The following FMN1 variants were observed in gnomAD, a reference collection of about 807,000 sequenced individuals.
FMN1 encodes formin-1.
In FMN1, 110 loss-of-function variants were observed where a neutral mutation model predicts 132.4. That is an observed-to-expected ratio of 0.83 (90% CI 0.71 to 0.97). The LOEUF is 0.97. Among genes scored for constraint, FMN1 ranks in the 50% least tolerant of loss-of-function variants. The probability of loss-of-function intolerance (pLI) is 0.00; values close to 1 mark genes in which losing one functional copy is unlikely to be tolerated. For synonymous variants in FMN1, 722 were observed against 651.7 expected (o/e 1.11, Z -1.64); for missense variants, 1,792 against 1,705.3 (o/e 1.05, Z -0.90).
chr15:33,018,070 A>G (rs1482909136), intron 6 of FMN1, among the ~76,000 whole-genome samples: 254 of 6,470 alleles, frequency 0.039, no homozygotes, highest in Non-Finnish European at 0.18. Flanking sequence ...CTCTCAAGAA[A>G]AAAAAAAAAA....
At chr15:32,926,745 C>A (rs996574014) in intron 9 of FMN1, among the ~76,000 whole-genome samples, 1 of 152,244 alleles carries the variant, frequency 6.6e-6, no homozygotes, top group Admixed American at 6.5e-5. Flanking sequence ...GTGATAACCT[C>A]TATGAATTGA....
intron 7 of FMN1, among the ~76,000 whole-genome samples, chr15:32,970,530 CTGTCAT>C (rs1470524391): frequency 6.6e-6 from 1 of 152,184 alleles, no homozygotes; most frequent in South Asian, 2.1e-4. Flanking sequence ...GTTATATTCA[CTGTCAT>C]TGTCACTGTC....
intron 6 of FMN1, chr15:33,064,736 C>T: frequency 2.8e-6 from 1 of 360,884 alleles, no homozygotes; most frequent in Non-Finnish European, 5.0e-6. Flanking sequence ...ACACACATTC[C>T]CCCTTTCATT....
At chr15:32,842,714 G>C (rs977439171) in intron 17 of FMN1, among the ~76,000 whole-genome samples, 1 of 151,602 alleles carries the variant, frequency 6.6e-6, no homozygotes, top group South Asian at 2.1e-4. Context: ...ACATTTTTTA[G>C]CAAGTTTGAT....
rs1320940723 is a variant in FMN1, at chr15:32,767,032, G to A, written c.*7278C>T. On this transcript the variant is annotated 3_prime_UTR_variant, in exon 21 of 21. Coordinates refer to ENST00000616417, the MANE Select transcript of FMN1 (RefSeq NM_001277313.2). ...TTTCACTGGGGTACCTGCTTTCCCAGTACATTGGCACTGATCAATACAAGA... is the reference window on the plus strand; with the variant it reads ...TTTCACTGGGGTACCTGCTTTCCCAATACATTGGCACTGATCAATACAAGA... 6.6e-6 allele frequency: 1 copy of A among 152,138 alleles called. No individual in the cohort carries two copies. The highest frequency in any genetic ancestry group is 1.5e-5 in the Non-Finnish European group (1 of 68,054). 9.4% of individuals were successfully genotyped at this position (152,138 alleles called of 1,614,324 possible).
chr15:32,978,084 T>C (rs2032358202), intron 7 of FMN1, among the ~76,000 whole-genome samples: 1 of 152,074 alleles, frequency 6.6e-6, no homozygotes, highest in Non-Finnish European at 1.5e-5. Context: ...CTCAATCTCT[T>C]GACCTCGTGA....
At chr15:32,794,716 A>G (rs1045640363) in intron 19 of FMN1, among the ~76,000 whole-genome samples, 1 of 152,236 alleles carries the variant, frequency 6.6e-6, no homozygotes, top group African/African-American at 2.4e-5. Flanking sequence ...CCAAAAATTC[A>G]TTGAATGTTT....
At chr15:32,861,654 G>C (rs541917100) in intron 16 of FMN1, among the ~76,000 whole-genome samples, 1 of 152,320 alleles carries the variant, frequency 6.6e-6, no homozygotes, top group South Asian at 2.1e-4. Context: ...GTCAAGGTCA[G>C]AACAGCAAGA....
At chr15:33,041,238 C>T (rs543506144) in intron 6 of FMN1, among the ~76,000 whole-genome samples, 1 of 151,812 alleles carries the variant, frequency 6.6e-6, no homozygotes, top group Non-Finnish European at 1.5e-5. Context: ...ACTTTGAAGC[C>T]TAGGTCTATG....
At chr15:32,838,910 C>T (rs934970271) in intron 17 of FMN1, among the ~76,000 whole-genome samples, 8 of 152,252 alleles carry the variant, frequency 5.3e-5, no homozygotes, top group South Asian at 2.1e-4. Context: ...GCTTGCACGA[C>T]GATAGTCCAA....
intron 17 of FMN1, among the ~76,000 whole-genome samples, chr15:32,825,429 T>C (rs2058339937): frequency 6.6e-6 from 1 of 152,204 alleles, no homozygotes; most frequent in East Asian, 1.9e-4. Flanking sequence ...AATCATGGTG[T>C]TCTTTCTGCG....
chr15:32,831,585 G>A (rs920324397), intron 17 of FMN1, among the ~76,000 whole-genome samples: 3 of 152,080 alleles, frequency 2.0e-5, no homozygotes, highest in Non-Finnish European at 4.4e-5. Context: ...GGTTGGTATT[G>A]CATAGGTCCA....
At chr15:32,835,094 T>C (rs533358368) in intron 17 of FMN1, among the ~76,000 whole-genome samples, 88 of 152,276 alleles carry the variant, frequency 5.8e-4, no homozygotes, top group African/African-American at 2.1e-3. Context: ...ATCCAGTCCC[T>C]TTCTACCTAA....
chr15:32,915,991 T>A (rs759055044), intron 10 of FMN1, among the ~76,000 whole-genome samples: 2 of 152,234 alleles, frequency 1.3e-5, no homozygotes, highest in Non-Finnish European at 2.9e-5. Flanking sequence ...GCAGGGAAAT[T>A]GAGGCAAACA....
At position 32,838,040 on chromosome 15, in the gene FMN1, C is replaced by T. The variant is rs542306798; in HGVS notation, c.3928+18975G>A. On this transcript the variant is annotated intron_variant, in intron 17 of 20. Coordinates refer to ENST00000616417, the MANE Select transcript of FMN1 (RefSeq NM_001277313.2). ...TTTTAGGAGGCTGAGGTGGAGGGCTCGGGGAGCAATGAAGGCAAGAGGGAA... is the reference window on the plus strand; with the variant it reads ...TTTTAGGAGGCTGAGGTGGAGGGCTTGGGGAGCAATGAAGGCAAGAGGGAA... 3.5e-4 allele frequency among the ~76,000 whole-genome samples: 53 copies of T among 151,962 alleles called. No homozygotes were observed. The East Asian group carries it at 3.9e-3, about 11-fold the overall frequency.
intron 4 of FMN1, among the ~76,000 whole-genome samples, chr15:33,138,789 T>C (rs1233263476): frequency 1.3e-5 from 2 of 152,140 alleles, no homozygotes; most frequent in Non-Finnish European, 1.5e-5. Flanking sequence ...GTGGCCATAG[T>C]AGTGGGAGAG....
chr15:32,776,105 A>G (rs767219950), intron 20 of FMN1, among the ~76,000 whole-genome samples: 18 of 152,344 alleles, frequency 1.2e-4, no homozygotes, highest in Non-Finnish European at 2.1e-4. Context: ...TGTTCTTTTC[A>G]TGGAAGAGAA....
intron 16 of FMN1, among the ~76,000 whole-genome samples, chr15:32,877,910 G>A (rs514268): frequency 0.1 from 15,547 of 152,200 alleles, 1,884 homozygotes; most frequent in African/African-American, 0.29. Context: ...CAACAAATAC[G>A]TGGAAAGTGC....
At chr15:32,939,057 C>T (rs1457298410) in intron 9 of FMN1, among the ~76,000 whole-genome samples, 1 of 152,162 alleles carries the variant, frequency 6.6e-6, no homozygotes, top group Admixed American at 6.5e-5. Flanking sequence ...GTATTGTGTT[C>T]CTCTGCACAT....
Sources: allele counts gnomAD v4.1 joint callset (sites outside exome capture counted in the v4.1 genomes callset), GRCh38; gene constraint gnomAD v4.1.1; transcripts MANE v1.5; gene names NCBI Gene and HGNC (gene_info 2026-07-23, HGNC 2026-07-21).